The following CSMD3 variants were observed in gnomAD, a reference collection of about 807,000 sequenced individuals.
The protein encoded by CSMD3 is CUB and Sushi multiple domains 3, also known as CUB and sushi domain-containing protein 3.
CSMD3 carries 177 observed loss-of-function variants against 435.2 expected under a neutral mutation model. The observed-to-expected ratio is 0.41, with a 90% confidence interval of 0.36 to 0.46. The LOEUF (loss-of-function observed/expected upper bound fraction) is 0.46. CSMD3 is among the 20% of genes least tolerant of loss of function. CSMD3 has a pLI of 0.34. For missense variants in CSMD3, 4,265 were observed against 4,504.6 expected, an observed-to-expected ratio of 0.95 and a Z score of 1.52; for synonymous variants, 1,656 against 1,520.5, an observed-to-expected ratio of 1.09 and a Z score of -2.07.
chr8:112,410,495 A>AATATAC (rs1554670565), intron 32 of CSMD3, among the ~76,000 whole-genome samples: 3 of 122,736 alleles, frequency 2.4e-5, no homozygotes, highest in East Asian at 2.4e-4. Flanking sequence ...AAATACTCCA[A>AATATAC]ATATATATAT....
At chr8:112,727,747 T>G (rs2076996048) in intron 13 of CSMD3, among the ~76,000 whole-genome samples, 1 of 151,836 alleles carries the variant, frequency 6.6e-6, no homozygotes, top group African/African-American at 2.4e-5. Context: ...TATGTTACTT[T>G]TTACAATAAG....
Position 112,976,092 on chromosome 8 carries a change from T to C in CSMD3, c.1087A>G (p.Thr363Ala), listed in dbSNP as rs2130935200. The part of the protein sequence containing the change: ...STGELEEHNR[T>A]TTGAIAVAST... ...GCAACAGCAATAGCACCAGTGGTAG[T>C]CCTGTTATGCTCCTCTAACTCACCA... The change falls in exon 7 of 71, where the codon ACT (threonine) becomes GCT (alanine). Residue 363 changes from threonine (T) to alanine (A), a missense_variant. Thr to Ala is a moderately conservative substitution (Grantham distance 58, BLOSUM62 0). Transcript: ENST00000297405. 1.2e-6 allele frequency: 2 copies of C among 1,614,034 alleles called. No individual in the cohort carries two copies. Among genetic ancestry groups the C allele is most frequent in the Non-Finnish European group, 1.7e-6 (2 of 1,179,934 alleles).
chr8:113,112,386 CAT>C (rs56256676), intron 4 of CSMD3, among the ~76,000 whole-genome samples: 14 of 74,922 alleles, frequency 1.9e-4, no homozygotes, highest in Non-Finnish European at 2.9e-4. Flanking sequence ...CCCAATAAAA[CAT>C]ATATATATAT....
chr8:112,292,596 G>A lies in CSMD3; in HGVS notation c.8729C>T (p.Pro2910Leu), dbSNP rs2130688767. 6.2e-7 allele frequency: 1 copy of A among 1,613,746 alleles called. No homozygotes were observed. Among genetic ancestry groups the A allele is most frequent in the Non-Finnish European group, 8.5e-7 (1 of 1,179,778 alleles). The change falls in exon 55 of 71, where the codon CCA (proline) becomes CTA (leucine). Residue 2910 changes from proline (P) to leucine (L), a missense_variant. Transcript: ENST00000297405. Reference protein sequence around the residue: ...SCNIGYLMQGPTKAQCQANRQ... With the variant: ...SCNIGYLMQGLTKAQCQANRQ... ...GTTGGCCTGGCACTGTGCCTTTGTT[G>A]GCCCTTGCATAAGATACCCAATATT...
At chr8:112,930,277 G>A (rs1002298321) in intron 9 of CSMD3, among the ~76,000 whole-genome samples, 1 of 151,966 alleles carries the variant, frequency 6.6e-6, no homozygotes, top group Non-Finnish European at 1.5e-5. Flanking sequence ...ACTACTATCA[G>A]ACAGCAATAA....
intron 11 of CSMD3, among the ~76,000 whole-genome samples, chr8:112,857,782 T>C (rs911881135): frequency 2.0e-5 from 3 of 151,344 alleles, no homozygotes; most frequent in African/African-American, 7.3e-5. Context: ...CTGAGAATAG[T>C]GTACGGCATG....
At chr8:112,971,223 A>G (rs1442305733) in intron 7 of CSMD3, among the ~76,000 whole-genome samples, 2 of 152,270 alleles carry the variant, frequency 1.3e-5, no homozygotes, top group Non-Finnish European at 2.9e-5. Flanking sequence ...GTTCATTCTC[A>G]TGTACCTGCT....
At chr8:112,332,420 A>C (rs946690394) in intron 45 of CSMD3, among the ~76,000 whole-genome samples, 7 of 152,184 alleles carry the variant, frequency 4.6e-5, no homozygotes, top group African/African-American at 1.7e-4. Flanking sequence ...TTCAGGAGGC[A>C]GTGAGAAAAC....
At chr8:112,657,743 T>A (rs1475103023) in intron 17 of CSMD3, among the ~76,000 whole-genome samples, 1 of 152,194 alleles carries the variant, frequency 6.6e-6, no homozygotes, top group East Asian at 1.9e-4. Flanking sequence ...TTTCCTTGCT[T>A]TAACCAAGGT....
intron 11 of CSMD3, among the ~76,000 whole-genome samples, chr8:112,844,060 T>A (rs1314106009): frequency 6.6e-6 from 1 of 151,886 alleles, no homozygotes; most frequent in African/African-American, 2.4e-5. Flanking sequence ...CAAACTTGTT[T>A]CTGCACCTAT....
At chr8:112,295,301 T>C (rs535101855) in intron 54 of CSMD3, among the ~76,000 whole-genome samples, 2 of 152,076 alleles carry the variant, frequency 1.3e-5, no homozygotes, top group Admixed American at 1.3e-4. Context: ...GCTCACATAA[T>C]CATCAGAGGA....
intron 7 of CSMD3, among the ~76,000 whole-genome samples, chr8:112,974,605 T>C (rs2084778082): frequency 6.6e-6 from 1 of 151,888 alleles, no homozygotes; most frequent in Non-Finnish European, 1.5e-5. Context: ...GTAATATTTA[T>C]AATAGGAAAG....
At chr8:112,642,739 A>G (rs1431105292) in intron 20 of CSMD3, among the ~76,000 whole-genome samples, 6 of 152,156 alleles carry the variant, frequency 3.9e-5, no homozygotes, top group African/African-American at 1.4e-4. Flanking sequence ...AAGCAATTGC[A>G]TAATTATAGA....
chr8:113,391,710 G>T (rs1012919561), intron 1 of CSMD3, among the ~76,000 whole-genome samples: 2 of 151,916 alleles, frequency 1.3e-5, no homozygotes, highest in African/African-American at 4.8e-5. Context: ...AGATGCAATT[G>T]ACAGAACTGG....
intron 5 of CSMD3, among the ~76,000 whole-genome samples, chr8:113,019,782 C>A (rs1030814016): frequency 1.3e-5 from 2 of 152,008 alleles, no homozygotes; most frequent in African/African-American, 4.8e-5. Context: ...CACTGGATGG[C>A]AAATTTCACA....
chr8:113,221,645 T>G (rs1000715753), intron 3 of CSMD3, among the ~76,000 whole-genome samples: 1 of 151,314 alleles, frequency 6.6e-6, no homozygotes, highest in Non-Finnish European at 1.5e-5. Flanking sequence ...GCTGTTTTGC[T>G]GAGTTTTAGC....
intron 53 of CSMD3, among the ~76,000 whole-genome samples, chr8:112,296,559 AT>A (rs145209269): frequency 0.13 from 19,462 of 149,758 alleles, 1,621 homozygotes; most frequent in East Asian, 0.34. Context: ...CAAAAAAAAA[AT>A]AAATAAATAA....
intron 8 of CSMD3, among the ~76,000 whole-genome samples, chr8:112,949,753 T>C (rs2083743744): frequency 6.6e-6 from 1 of 152,038 alleles, no homozygotes; most frequent in South Asian, 2.1e-4. Flanking sequence ...CTCCAATTAT[T>C]CTAGATTTTC....
At chr8:112,679,112 G>A (rs1342879704) in intron 16 of CSMD3, among the ~76,000 whole-genome samples, 3 of 147,112 alleles carry the variant, frequency 2.0e-5, no homozygotes, top group Admixed American at 1.3e-4. Flanking sequence ...TTTAAATTAG[G>A]AAAAATAAAA....
Sources: allele counts gnomAD v4.1 joint callset (sites outside exome capture counted in the v4.1 genomes callset), GRCh38; gene constraint gnomAD v4.1.1; transcripts MANE v1.5; gene names NCBI Gene and HGNC (gene_info 2026-07-23, HGNC 2026-07-21).